Variants in ABR observed in about 807,000 individuals in gnomAD.
The protein encoded by ABR is active breakpoint cluster region-related protein.
ABR carries 35 observed loss-of-function variants against 107.2 expected under a neutral mutation model. That is an observed-to-expected ratio of 0.33 (90% CI 0.25 to 0.43). ABR has a LOEUF of 0.43. Among genes scored for constraint, ABR ranks in the 20% least tolerant of loss-of-function variants. ABR has a pLI of 1.00. For missense variants in ABR, 815 were observed against 1,115.2 expected (o/e 0.73, Z 3.83); for synonymous variants, 498 against 462.0 (o/e 1.08, Z -1.00).
At position 1,050,221 on chromosome 17, in the gene ABR, C is replaced by A. The variant is rs533615759; in HGVS notation, c.1660-40G>T. On this transcript the variant is annotated intron_variant, in intron 15 of 22. Transcript: ENST00000302538. The surrounding 1 kb of genome is among the most constrained non-coding windows in gnomAD (Gnocchi z 4.6). ...GACAAAGGGCCCTGAACCTCCGAAG[C>A]TGGGAGGCCTGGCTTTCCGGCAGGT... is the stretch of plus-strand genomic sequence containing the variant. 25 of 1,585,430 alleles carry A rather than the reference C, an allele frequency of 1.6e-5. No individual in the cohort carries two copies. In the African/African-American group the frequency reaches 3.1e-4, roughly 20 times the overall value.
rs1215087202 is a variant in ABR, at chr17:1,057,649, ATGTGTGTATGTGTGTGTG to A, written c.1381+303_1381+320del. Among the ~76,000 whole-genome samples the A allele has an allele frequency of 2.1e-4, 29 of 137,684 alleles. 1 individual carries two copies. The South Asian group carries it at 2.4e-3, about 11-fold the overall frequency. The allele number at this position is 137,684 out of a possible 152,430, so 90.3% of individuals were successfully genotyped here. A position where few individuals can be genotyped will look rare whatever the true frequency, so the allele number is the denominator to read the frequency against. Reference sequence around the variant, plus strand: ...AAGCCACCGTACCCAGCCTCTGTGTATGTGTGTATGTGTGTGTGTGTGTGTGTGTGTGTGTCTCTGTGT... The same window carrying A: ...AAGCCACCGTACCCAGCCTCTGTGTATGTGTGTGTGTGTGTGTCTCTGTGT... On this transcript the variant is annotated intron_variant, in intron 12 of 22. Coordinates refer to ENST00000302538, the MANE Select transcript of ABR (RefSeq NM_021962.5).
At position 1,203,354 on chromosome 17, in the gene ABR, C is replaced by A. The variant is rs1370360385; in HGVS notation, c.838+25439G>T. On this transcript the variant is annotated intron_variant, in intron 1 of 22. Coordinates refer to the ABR transcript ENST00000574139. ...GGCGGGGTCCGCGGGGAGGAGCCTG[C>A]GGGGCGGTCCCCCGTGGGGGCGGGG... is the stretch of plus-strand genomic sequence containing the variant. 2.5e-4 allele frequency among the ~76,000 whole-genome samples: 14 copies of A among 55,264 alleles called. No homozygotes were observed. In the Admixed American group the frequency reaches 2.7e-3, roughly 11 times the overall value. The allele number at this position is 55,264 out of a possible 152,430, so 36.3% of individuals were successfully genotyped here. A position where few individuals can be genotyped will look rare whatever the true frequency, so the allele number is the denominator to read the frequency against.
At chr17:1,072,905 G>A in intron 7 of ABR, 151 bp from the exon 8 acceptor site, 2 of 1,133,504 alleles carry the variant, frequency 1.8e-6, no homozygotes, top group Non-Finnish European at 2.4e-6. Flanking sequence ...GTCAGGCCGG[G>A]CACGGCGGCT....
chr17:1,019,003 G>C (rs915076065), intron 16 of ABR, among the ~76,000 whole-genome samples: 1 of 152,174 alleles, frequency 6.6e-6, no homozygotes, highest in Non-Finnish European at 1.5e-5. Flanking sequence ...TGCAGAATGT[G>C]TGAAGTCCAT....
chr17:1,202,477 T>G (rs1357580814), intron 1 of ABR, among the ~76,000 whole-genome samples: 2 of 152,318 alleles, frequency 1.3e-5, no homozygotes, highest in Middle Eastern at 3.4e-3. Context: ...CCTATACTCT[T>G]CAGCGAACAG....
At chr17:1,187,229 A>C (rs1475192849) in exon 1 of ABR, 1 of 152,376 alleles carries the variant, frequency 6.6e-6, no homozygotes, top group African/African-American at 2.4e-5. Context: ...GCCTGCCATC[A>C]GTGGAGCCTC....
chr17:1,206,265 T>G (rs965116033), intron 1 of ABR, among the ~76,000 whole-genome samples: 5 of 152,250 alleles, frequency 3.3e-5, no homozygotes, highest in African/African-American at 1.2e-4. Flanking sequence ...ATAGTGTAAC[T>G]GCCACGTGAC....
chr17:1,201,297 T>C (rs1470762819), intron 1 of ABR, among the ~76,000 whole-genome samples: 1 of 152,148 alleles, frequency 6.6e-6, no homozygotes, highest in Non-Finnish European at 1.5e-5. Flanking sequence ...TCACGACGTA[T>C]TGAACCTCTC....
intron 1 of ABR, among the ~76,000 whole-genome samples, chr17:1,170,376 G>A (rs1284246083): frequency 2.0e-5 from 3 of 152,312 alleles, no homozygotes; most frequent in Admixed American, 6.5e-5. Flanking sequence ...AGGGCCAACC[G>A]AGCGCACAGT....
chr17:1,065,674 G>T (rs1297588903), intron 10 of ABR, among the ~76,000 whole-genome samples: 2 of 151,050 alleles, frequency 1.3e-5, no homozygotes, highest in Non-Finnish European at 2.9e-5. Context: ...GCACTAAACA[G>T]TTTGCAGTTC....
intron 16 of ABR, chr17:1,031,645 C>T (rs2072775972): frequency 1.6e-6 from 2 of 1,254,084 alleles, no homozygotes; most frequent in Non-Finnish European, 2.0e-6. Context: ...AGCCGGGCGC[C>T]GGTGTTGGGG....
At position 1,005,960 on chromosome 17, in the gene ABR, C is replaced by T; in HGVS notation, c.*120G>A. The T allele has an allele frequency of 2.1e-6, 2 of 943,074 alleles. No individual in the cohort carries two copies. The highest frequency in any genetic ancestry group is 2.6e-5 in the East Asian group (1 of 38,084). 58.4% of individuals were successfully genotyped at this position (943,074 alleles called of 1,614,324 possible). A position where few individuals can be genotyped will look rare whatever the true frequency, so the allele number is the denominator to read the frequency against. On this transcript the variant is annotated 3_prime_UTR_variant, in exon 23 of 23. Coordinates refer to ENST00000302538, the MANE Select transcript of ABR (RefSeq NM_021962.5). ...ACGCATTCCAGTTCTTGGAAGCTGG[C>T]TTCCCTCGAGTCTGGAGTGCTGGGT...
At chr17:1,191,139 G>A (rs1042156205), upstream of ABR, among the ~76,000 whole-genome samples, 7 of 152,078 alleles carry the variant, frequency 4.6e-5, no homozygotes, top group Admixed American at 1.3e-4. Flanking sequence ...CCATGTTCCC[G>A]TCACCAAAAC....
intron 1 of ABR, among the ~76,000 whole-genome samples, chr17:1,170,829 T>A (rs554467283): frequency 6.6e-6 from 1 of 152,172 alleles, no homozygotes; most frequent in Non-Finnish European, 1.5e-5. Flanking sequence ...CCCAGGATCC[T>A]GGGAGACCCA....
At chr17:1,057,305 GGTTTGTGTGTGTGTGTGTGTGT>G (rs1324306980) in intron 12 of ABR, among the ~76,000 whole-genome samples, 3,289 of 136,354 alleles carry the variant, frequency 0.024, 265 homozygotes, top group African/African-American at 0.053. Context: ...TAACTGAAGA[GGTTTGTGTGTGTGTGTGTGTGT>G]GTGTGTGTGT....
chr17:1,015,509 T>A (rs186085703), intron 16 of ABR, among the ~76,000 whole-genome samples: 4 of 151,444 alleles, frequency 2.6e-5, no homozygotes, highest in Non-Finnish European at 5.9e-5. Context: ...CAGGCCGGAG[T>A]GCAATGGTGC....
intron 1 of ABR, among the ~76,000 whole-genome samples, chr17:1,147,818 C>T (rs1231348238): frequency 1.3e-5 from 2 of 152,216 alleles, no homozygotes; most frequent in East Asian, 1.9e-4. Flanking sequence ...ACCCCACCCA[C>T]GCCAGCCTCA....
upstream of ABR, among the ~76,000 whole-genome samples, chr17:1,184,596 G>A (rs1340508487): frequency 6.6e-6 from 1 of 152,174 alleles, no homozygotes; most frequent in South Asian, 2.1e-4. Context: ...TCTGCCGAGC[G>A]CCCAGCAGAT....
chr17:1,021,282 C>T (rs2071605645), intron 16 of ABR, among the ~76,000 whole-genome samples: 1 of 152,216 alleles, frequency 6.6e-6, no homozygotes, highest in Non-Finnish European at 1.5e-5. Flanking sequence ...AGCTCCCAGG[C>T]CTCCGCCTCC....
Sources: gnomAD v4.1 joint callset for allele counts (sites outside exome capture counted in the v4.1 genomes callset) on GRCh38, gnomAD v4.1.1 for gene constraint, Gnocchi (gnomAD v3.1) non-coding constraint, MANE v1.5 for transcripts, NCBI Gene and HGNC (gene_info 2026-07-23, HGNC 2026-07-21) for gene names.